Variants in WDR3 observed in about 807,000 individuals in gnomAD.
WDR3 encodes WD repeat-containing protein 3.
Under a neutral mutation model 123.7 loss-of-function variants are expected in WDR3, and 81 were observed. The ratio of observed to expected loss-of-function variants is 0.65; its 90% CI spans 0.55 to 0.79. The LOEUF is 0.79. WDR3 is among the 30% of genes least tolerant of loss of function. The pLI is 0.00. For missense variants in WDR3, 1,027 were observed against 1,123.2 expected (o/e 0.91, Z 1.22); for synonymous variants, 390 against 388.8 (o/e 1.00, Z -0.04).
chr1:117,964,106 A>C lies in WDR3; in HGVS notation c.*4659A>C. ...CATGCTCAGGCTTGGGGGTTAGAGG[A>C]TGGATATGCCAATGTCTAGAATGTC... is the stretch of plus-strand genomic sequence containing the variant. On this transcript the variant is annotated 3_prime_UTR_variant, in exon 27 of 27. Coordinates refer to ENST00000349139, the MANE Select transcript of WDR3 (RefSeq NM_006784.3). 3.2e-6 allele frequency: 2 copies of C among 631,218 alleles called. No individual in the cohort carries two copies. Among genetic ancestry groups the C allele is most frequent in the South Asian group, 2.2e-5 (1 of 46,040 alleles). 39.1% of individuals were successfully genotyped at this position (631,218 alleles called of 1,614,324 possible). A position where few individuals can be genotyped will look rare whatever the true frequency, so the allele number is the denominator to read the frequency against.
intron 5 of WDR3, 96 bp from the exon 6 acceptor site, chr1:117,939,381 C>A: frequency 7.9e-7 from 1 of 1,268,830 alleles, no homozygotes; most frequent in Non-Finnish European, 1.1e-6. Flanking sequence ...AATTGCTAGA[C>A]ATTTTACTAC....
intron 11 of WDR3, 59 bp from the exon 12 acceptor site, chr1:117,946,027 C>T: frequency 7.3e-7 from 1 of 1,373,538 alleles, no homozygotes; most frequent in Non-Finnish European, 1.0e-6. Context: ...ACACACTGAC[C>T]TCTAAAATGG....
chr1:117,934,819 G>C lies in WDR3; in HGVS notation c.381+137G>C, dbSNP rs931019271. On this transcript the variant is annotated intron_variant, in intron 3 of 26. Transcript: ENST00000349139. ...AAGTAGTATAATGATAGAGTGAAGA[G>C]GATGGGTGTGAATTGGGTGGTTCAT... is the stretch of plus-strand genomic sequence containing the variant. 6.0e-6 allele frequency: 5 copies of C among 834,600 alleles called. No individual in the cohort carries two copies. The African/African-American group carries it at 8.6e-5, about 14-fold the overall frequency. 51.7% of individuals were successfully genotyped at this position (834,600 alleles called of 1,614,324 possible).
Position 117,942,419 on chromosome 1 carries a change from T to A in WDR3, c.990-18T>A. 6.2e-7 allele frequency: 1 copy of A among 1,606,478 alleles called. No homozygotes were observed. The highest frequency in any genetic ancestry group is 1.1e-5 in the South Asian group (1 of 90,590). ...CTAGAAAAATAAGAGCATGATATAC[T>A]TTTCTTCTTCCCTCTAGATTACATT... On this transcript the variant is annotated intron_variant, in intron 9 of 26. Coordinates refer to ENST00000349139, the MANE Select transcript of WDR3 (RefSeq NM_006784.3).
intron 5 of WDR3, 150 bp from the exon 6 acceptor site, chr1:117,939,327 G>C (rs965836628): frequency 3.3e-5 from 23 of 698,512 alleles, no homozygotes; most frequent in Admixed American, 3.2e-4. Flanking sequence ...ACTTCTCTTA[G>C]TGCATTTTGA....
chr1:117,950,882 A>G lies in WDR3; in HGVS notation c.1795A>G (p.Ile599Val), dbSNP rs1299948291. ...CAAACTGCCTGTTATATGCATGGACATCTCTCATGTAAGTAGTTTAAATAG... is the reference window on the plus strand; with the variant it reads ...CAAACTGCCTGTTATATGCATGGACGTCTCTCATGTAAGTAGTTTAAATAG... The part of the protein sequence containing the change: ...GHKLPVICMD[I>V]SHDGALIATG... The change falls in exon 16 of 27, where the codon ATC becomes GTC. Residue 599 changes from isoleucine (I) to valine (V), a missense_variant. Coordinates refer to ENST00000349139, the MANE Select transcript of WDR3 (RefSeq NM_006784.3). The G allele has an allele frequency of 6.2e-7, 1 of 1,608,548 alleles. No homozygotes were observed. Among genetic ancestry groups the G allele is most frequent in the Non-Finnish European group, 8.5e-7 (1 of 1,178,398 alleles).
At chr1:117,934,720 A>G in intron 3 of WDR3, 38 bp downstream of exon 3, 1 of 1,607,096 alleles carries the variant, frequency 6.2e-7, no homozygotes, top group Non-Finnish European at 8.5e-7. Context: ...GATCTATTAA[A>G]GGAATGTAAG....
chr1:117,960,122 GTGTGTGTGTGTGTGTGTGTGTGTGTA>G lies in WDR3; in HGVS notation c.*681_*706del, dbSNP rs1194068842. The G allele has an allele frequency of 6.8e-6, 1 of 147,048 alleles. No individual in the cohort carries two copies. Among genetic ancestry groups the G allele is most frequent in the African/African-American group, 2.7e-5 (1 of 37,164 alleles). 9.1% of individuals were successfully genotyped at this position (147,048 alleles called of 1,614,324 possible). On this transcript the variant is annotated 3_prime_UTR_variant, in exon 27 of 27. Transcript: ENST00000349139. ...AATTAATACACTCGTGTGTGTGTGT[GTGTGTGTGTGTGTGTGTGTGTGTGTA>G]TGTGTATGTGTATGTACACATACAT...
chr1:117,953,940 C>A, intron 21 of WDR3, 67 bp from the exon 22 acceptor site: 1 of 1,362,622 alleles, frequency 7.3e-7, no homozygotes, highest in Admixed American at 2.2e-5. Context: ...GTCAGTTCTT[C>A]CAGTTTCAGT....
At chr1:117,946,624 G>T (rs545635816) in intron 12 of WDR3, among the ~76,000 whole-genome samples, 1 of 152,144 alleles carries the variant, frequency 6.6e-6, no homozygotes, top group Non-Finnish European at 1.5e-5. Flanking sequence ...ATATGGATTT[G>T]GATTTAGTTT....
Position 117,963,919 on chromosome 1 carries a change from A to G in WDR3, c.*4472A>G. The G allele has an allele frequency of 1.9e-6, 3 of 1,613,966 alleles. No homozygotes were observed. Among genetic ancestry groups the G allele is most frequent in the Non-Finnish European group, 2.5e-6 (3 of 1,179,904 alleles). On this transcript the variant is annotated 3_prime_UTR_variant, in exon 27 of 27. Transcript: ENST00000349139. The stretch of plus-strand genomic sequence containing the variant: ...GAAAGTCTTTTGGTCGTTTATCATA[A>G]TTGCTGCTTGTTAAAACAGGTAAAA...
intron 3 of WDR3, among the ~76,000 whole-genome samples, chr1:117,935,387 G>A (rs1346804476): frequency 6.6e-6 from 1 of 151,908 alleles, no homozygotes; most frequent in Non-Finnish European, 1.5e-5. Context: ...TAATAAAACA[G>A]GGGTTTTAGA....
chr1:117,946,107 C>T lies in WDR3; in HGVS notation c.1350C>T (p.Arg450=), dbSNP rs1263334280. The T allele has an allele frequency of 6.2e-7, 1 of 1,612,714 alleles. No homozygotes were observed. Among genetic ancestry groups the T allele is most frequent in the South Asian group, 1.1e-5 (1 of 90,890 alleles). ...ATAGGTCTACACTGCAGTGTATTCG[C>T]ACAATGACCTGTGAATATGCACTTT... The part of the protein sequence containing the change: ...IWNRSTLQCI[R]TMTCEYALCS... Residue 450 remains arginine (R), a synonymous_variant, in exon 12 of 27, where the codon CGC becomes CGT. Transcript: ENST00000349139.
At position 117,939,527 on chromosome 1, in the gene WDR3, C is replaced by T. The variant is rs752377422; in HGVS notation, c.630C>T (p.Ala210=). The T allele has an allele frequency of 6.2e-7, 1 of 1,613,778 alleles. No individual in the cohort carries two copies. The highest frequency in any genetic ancestry group is 8.5e-7 in the Non-Finnish European group (1 of 1,179,762). ...LSEEKRLITG[A]SDSELRVWDI... The stretch of plus-strand genomic sequence containing the variant: ...AAGAAAAGCGACTCATCACTGGGGC[C>T]TCAGACAGTGAACTGAGGGTATGGG... Residue 210 remains alanine (A), a synonymous_variant, in exon 6 of 27, where the codon GCC becomes GCT. Transcript: ENST00000349139.
At position 117,964,591 on chromosome 1, in the gene WDR3, G is replaced by C. The variant is rs1653573479; in HGVS notation, c.*5144G>C. The C allele has an allele frequency of 6.6e-6, 1 of 152,156 alleles. No homozygotes were observed. The highest frequency in any genetic ancestry group is 1.5e-5 in the Non-Finnish European group (1 of 68,044). 9.4% of individuals were successfully genotyped at this position (152,156 alleles called of 1,614,324 possible). On this transcript the variant is annotated 3_prime_UTR_variant, in exon 27 of 27. Coordinates refer to ENST00000349139, the MANE Select transcript of WDR3 (RefSeq NM_006784.3). ...GGAGGGGAGGAAGGTGAGAGGAAGG[G>C]AGAGAGACTTTCCCAGTGAGGACTT...
At chr1:117,947,518 C>T (rs1047816248) in intron 12 of WDR3, among the ~76,000 whole-genome samples, 2 of 152,104 alleles carry the variant, frequency 1.3e-5, no homozygotes, top group East Asian at 1.9e-4. Context: ...TCTGATTTGC[C>T]GTCGGGAAAG....
chr1:117,933,597 T>C (rs775501649), intron 2 of WDR3, 107 bp downstream of exon 2: 1 of 1,468,400 alleles, frequency 6.8e-7, no homozygotes, highest in Non-Finnish European at 9.4e-7. Flanking sequence ...TTTTTGTGTC[T>C]GTGCCCTTAG....
At chr1:117,937,724 A>C (rs188880029) in intron 4 of WDR3, among the ~76,000 whole-genome samples, 2 of 152,168 alleles carry the variant, frequency 1.3e-5, no homozygotes, top group Non-Finnish European at 2.9e-5. Flanking sequence ...CAGTTTGCTC[A>C]TGAAGGAGGA....
At chr1:117,958,767 CTTTTTT>C in intron 25 of WDR3, 137 bp from the exon 26 acceptor site, 4 of 360,390 alleles carry the variant, frequency 1.1e-5, no homozygotes, top group South Asian at 1.6e-4. Flanking sequence ...ACTTCTTTGG[CTTTTTT>C]TTTTTTTTTT....
Sources: allele counts gnomAD v4.1 joint callset (sites outside exome capture counted in the v4.1 genomes callset), GRCh38; gene constraint gnomAD v4.1.1; transcripts MANE v1.5; gene names NCBI Gene and HGNC (gene_info 2026-07-23, HGNC 2026-07-21).